Variants in PLPP7 observed in about 807,000 individuals in gnomAD.
PLPP7 encodes phospholipid phosphatase 7 (inactive).
A neutral mutation model predicts 16.9 loss-of-function variants in PLPP7; 11 were observed. The ratio of observed to expected loss-of-function variants is 0.65; its 90% confidence interval spans 0.41 to 1.08. The LOEUF is 1.08. Ranked by LOEUF, PLPP7 falls within the 50% of genes least tolerant of loss-of-function variation. The pLI, the probability that PLPP7 is intolerant of heterozygous loss-of-function variation, is 0.00. For synonymous variants in PLPP7, 174 were observed against 175.1 expected (o/e 0.99, Z 0.05); for missense variants, 358 against 397.1 (o/e 0.90, Z 0.84).
At chr9:131,301,606 G>C (rs559808421) in intron 1 of PLPP7, among the ~76,000 whole-genome samples, 1 of 152,152 alleles carries the variant, frequency 6.6e-6, no homozygotes, top group Non-Finnish European at 1.5e-5. Flanking sequence ...AGCCTTCGCT[G>C]GTGTTCCTGC....
chr9:131,297,988 G>T (rs1835753706), intron 1 of PLPP7, among the ~76,000 whole-genome samples: 1 of 152,024 alleles, frequency 6.6e-6, no homozygotes, highest in Non-Finnish European at 1.5e-5. Flanking sequence ...AAATATACAT[G>T]GGCCTTATCA....
chr9:131,294,453 T>C (rs1480355448), intron 1 of PLPP7, among the ~76,000 whole-genome samples: 1 of 152,136 alleles, frequency 6.6e-6, no homozygotes, highest in Non-Finnish European at 1.5e-5. Context: ...AAGCTCTAGA[T>C]GCCTTGAGAC....
chr9:131,304,865 C>T (rs746973186), intron 1 of PLPP7, among the ~76,000 whole-genome samples: 61 of 152,188 alleles, frequency 4.0e-4, no homozygotes, highest in African/African-American at 1.4e-3. Context: ...GGAAAAGCCA[C>T]GAAACAGAGG....
At position 131,308,324 on chromosome 9, in the gene PLPP7, G is replaced by A; in HGVS notation, c.*37G>A. On this transcript the variant is annotated 3_prime_UTR_variant, in exon 2 of 2. Transcript: ENST00000372264. ...GCCCACACAAGCCTCTGGGGGCAGG[G>A]CTGGCCCTAGAGAAGGGGCAGGGGG... 6.5e-7 allele frequency: 1 copy of A among 1,549,076 alleles called. No individual in the cohort carries two copies. Among genetic ancestry groups the A allele is most frequent in the East Asian group, 2.3e-5 (1 of 43,422 alleles).
chr9:131,297,684 C>T (rs971328973), intron 1 of PLPP7, among the ~76,000 whole-genome samples: 1 of 152,152 alleles, frequency 6.6e-6, no homozygotes. Context: ...CTGTGCCTAG[C>T]CTGTAAAAAT....
intron 1 of PLPP7, among the ~76,000 whole-genome samples, chr9:131,306,368 C>G (rs1419618903): frequency 6.6e-6 from 1 of 151,842 alleles, no homozygotes; most frequent in Non-Finnish European, 1.5e-5. Flanking sequence ...ATGGCAAAGC[C>G]CCGTCTCTAC....
chr9:131,303,772 G>T (rs1052602536), intron 1 of PLPP7, among the ~76,000 whole-genome samples: 1 of 152,196 alleles, frequency 6.6e-6, no homozygotes, highest in Non-Finnish European at 1.5e-5. Context: ...CTGCCTGCAG[G>T]CATGGTGCCT....
intron 1 of PLPP7, among the ~76,000 whole-genome samples, chr9:131,291,643 C>T (rs1303878809): frequency 3.3e-5 from 5 of 150,246 alleles, no homozygotes; most frequent in Admixed American, 6.7e-5. Context: ...TGGCTCACTA[C>T]AACCTTCAGC....
rs753357628 is a variant in PLPP7 at position 131,308,733 on chromosome 9, C to T, written c.*446C>T. The stretch of plus-strand genomic sequence containing the variant: ...CTGATGCAGGTGCCATTGCCATTAG[C>T]GGTCATCGACAGCTTAGGGCAGCAC... On this transcript the variant is annotated 3_prime_UTR_variant, in exon 2 of 2. Transcript: ENST00000372264. 12 of 172,844 alleles carry T rather than the reference C, an allele frequency of 6.9e-5. No individual in the cohort carries two copies. The highest frequency in any genetic ancestry group is 1.4e-4 in the Non-Finnish European group (11 of 80,686). The allele number at this position is 172,844 out of a possible 1,614,324, so 10.7% of individuals were successfully genotyped here.
intron 1 of PLPP7, among the ~76,000 whole-genome samples, chr9:131,303,723 T>G (rs1835823981): frequency 6.6e-6 from 1 of 152,152 alleles, no homozygotes; most frequent in African/African-American, 2.4e-5. Context: ...AGGAAACCCC[T>G]CTGTCCCAGT....
chr9:131,290,260 T>C lies in PLPP7; in HGVS notation c.263T>C (p.Ile88Thr), dbSNP rs1198834838. 1.2e-6 allele frequency: 2 copies of C among 1,612,052 alleles called. No individual in the cohort carries two copies. Among genetic ancestry groups the C allele is most frequent in the South Asian group, 1.1e-5 (1 of 90,786 alleles). ...KGIAFNSLLA[I>T]DICMSKRLGV... is the part of the protein sequence containing the mutation. ...ATCGCCTTCAACTCCCTGCTGGCCATCGATATCTGTATGTCCAAGCGGCTG... is the reference window on the plus strand; with the variant it reads ...ATCGCCTTCAACTCCCTGCTGGCCACCGATATCTGTATGTCCAAGCGGCTG... Residue 88 changes from isoleucine to threonine, a missense_variant, in exon 1 of 2, where the codon ATC becomes ACC. Ile to Thr is a moderately conservative substitution (Grantham distance 89, BLOSUM62 -1). Coordinates refer to ENST00000372264, the MANE Select transcript of PLPP7 (RefSeq NM_032728.4). This position sits in a 1 kb window ranked among gnomAD's most constrained non-coding sequence, Gnocchi z 4.2.
At position 131,290,980 on chromosome 9, in the gene PLPP7, G is replaced by A; in HGVS notation, c.451+532G>A. 1 of 1,059,594 alleles carries A rather than the reference G, an allele frequency of 9.4e-7. No individual in the cohort carries two copies. The highest frequency in any genetic ancestry group is 1.3e-6 in the Non-Finnish European group (1 of 749,098). The allele number at this position is 1,059,594 out of a possible 1,614,324, so 65.6% of individuals were successfully genotyped here. On this transcript the variant is annotated intron_variant, in intron 1 of 1. Transcript: ENST00000372264. The surrounding 1 kb of genome is among the most constrained non-coding windows in gnomAD (Gnocchi z 4.2). ...TCTGGGGACCCAGGGAGTTCCCCTGGGACTGCCACCCACTCACAGCCCCCT... is the reference window on the plus strand; with the variant it reads ...TCTGGGGACCCAGGGAGTTCCCCTGAGACTGCCACCCACTCACAGCCCCCT...
chr9:131,305,075 G>T (rs1453304000), intron 1 of PLPP7, among the ~76,000 whole-genome samples: 1 of 152,178 alleles, frequency 6.6e-6, no homozygotes, highest in African/African-American at 2.4e-5. Flanking sequence ...AAACAGTGGG[G>T]TTCCTCAAAG....
rs1835725427 is a variant in PLPP7, at chr9:131,295,438, C to T, written c.451+4990C>T. On this transcript the variant is annotated intron_variant, in intron 1 of 1. Transcript: ENST00000372264. The surrounding 1 kb of genome is among the most constrained non-coding windows in gnomAD (Gnocchi z 4.0). Reference sequence around the variant, plus strand: ...AAGTGCTGGGATCACAGGAGTGAGCCACCACGCCTGGCTATGAAAACTACA... The same window carrying T: ...AAGTGCTGGGATCACAGGAGTGAGCTACCACGCCTGGCTATGAAAACTACA... Among the ~76,000 whole-genome samples the T allele has an allele frequency of 6.6e-6, 1 of 152,118 alleles. No individual in the cohort carries two copies. The highest frequency in any genetic ancestry group is 1.9e-4 in the East Asian group (1 of 5,170).
rs1184455232 is a variant in PLPP7, at chr9:131,308,400, C to G, written c.*113C>G. 2.7e-5 allele frequency: 38 copies of G among 1,417,692 alleles called. 1 individual carries two copies. In the East Asian group the frequency reaches 9.6e-4, roughly 36 times the overall value. The allele number at this position is 1,417,692 out of a possible 1,614,324, so 87.8% of individuals were successfully genotyped here. A position where few individuals can be genotyped will look rare whatever the true frequency, so the allele number is the denominator to read the frequency against. The stretch of plus-strand genomic sequence containing the variant: ...ACAGAGCGGCCAGGAGTCAGAGCGG[C>G]CACCCCCACCTCATCTTCCCCTCCT... On this transcript the variant is annotated 3_prime_UTR_variant, in exon 2 of 2. Transcript: ENST00000372264.
In PLPP7 at chr9:131,290,377, G is replaced by A; in HGVS notation, c.380G>A (p.Gly127Glu). 6.2e-7 allele frequency: 1 copy of A among 1,604,492 alleles called. No homozygotes were observed. Among genetic ancestry groups the A allele is most frequent in the Non-Finnish European group, 8.5e-7 (1 of 1,175,806 alleles). The part of the protein sequence containing the change: ...GITGHGIPWI[G>E]GTILCLVKSS... ...ACGGGCCACGGCATCCCCTGGATCG[G>A]AGGCACCATCCTCTGCCTGGTGAAG... Residue 127 changes from glycine (G) to glutamate (E), a missense_variant, in exon 1 of 2, where the codon GGA (glycine) becomes GAA (glutamate). Transcript: ENST00000372264. This position sits in a 1 kb window ranked among gnomAD's most constrained non-coding sequence, Gnocchi z 4.2.
rs1337499678 is a variant in PLPP7 at position 131,290,220 on chromosome 9, C to A, written c.223C>A (p.Pro75Thr). The change falls in exon 1 of 2, where the codon CCC (proline) becomes ACC (threonine). Residue 75 changes from proline (P) to threonine (T), a missense_variant. Pro to Thr is a conservative substitution (Grantham distance 38, BLOSUM62 -1). Coordinates refer to ENST00000372264, the MANE Select transcript of PLPP7 (RefSeq NM_032728.4). This position sits in a 1 kb window ranked among gnomAD's most constrained non-coding sequence, Gnocchi z 4.2. Reference protein sequence around the residue: ...LPEEDCMQLNPSFKGIAFNSL... With the variant: ...LPEEDCMQLNTSFKGIAFNSL... ...AGAGGAGGACTGCATGCAGCTGAAC[C>A]CCTCCTTCAAGGGCATCGCCTTCAA... is the stretch of plus-strand genomic sequence containing the variant. The A allele has an allele frequency of 1.9e-6, 3 of 1,607,916 alleles. No individual in the cohort carries two copies.
intron 1 of PLPP7, among the ~76,000 whole-genome samples, chr9:131,293,250 A>G (rs1835702046): frequency 6.9e-6 from 1 of 143,948 alleles, no homozygotes; most frequent in South Asian, 2.3e-4. Context: ...GGTCGGGCAT[A>G]TCACCCGTGT....
chr9:131,294,936 T>A (rs947457257), intron 1 of PLPP7, among the ~76,000 whole-genome samples: 4 of 151,376 alleles, frequency 2.6e-5, no homozygotes, highest in African/African-American at 9.7e-5. Context: ...TGAGCCACTG[T>A]GCTGGCCTAT....
Sources: allele counts gnomAD v4.1 joint callset (sites outside exome capture counted in the v4.1 genomes callset), GRCh38; gene constraint gnomAD v4.1.1; non-coding constraint Gnocchi (gnomAD v3.1); transcripts MANE v1.5; gene names NCBI Gene and HGNC (gene_info 2026-07-23, HGNC 2026-07-21).